OR9Q1: variants seen among roughly 807,000 people sequenced by gnomAD.
OR9Q1 encodes olfactory receptor family 9 subfamily Q member 1.
For synonymous variants in OR9Q1, 153 were observed against 148.6 expected, an observed-to-expected ratio of 1.03 and a Z score of -0.22; for missense variants, 374 against 378.8, an observed-to-expected ratio of 0.99 and a Z score of 0.11.
At chr11:58,099,918 C>G (rs1015504918) in intron 2 of OR9Q1, among the ~76,000 whole-genome samples, 1 of 152,150 alleles carries the variant, frequency 6.6e-6, no homozygotes, top group Admixed American at 6.6e-5. Flanking sequence ...TTACAACATA[C>G]ATCCTTTTGG....
chr11:58,093,526 C>A (rs1342658891), intron 2 of OR9Q1, among the ~76,000 whole-genome samples: 1 of 151,802 alleles, frequency 6.6e-6, no homozygotes, highest in Admixed American at 6.6e-5. Flanking sequence ...TTTGGGAGAC[C>A]GAGGCAGGCA....
chr11:58,094,195 A>C (rs7118004), intron 2 of OR9Q1, among the ~76,000 whole-genome samples: 32,336 of 152,114 alleles, frequency 0.21, 4,097 homozygotes, highest in Middle Eastern at 0.38. Flanking sequence ...CAGTCACAGA[A>C]AGACAAATAC....
At chr11:58,100,105 C>A (rs1488427314) in intron 2 of OR9Q1, among the ~76,000 whole-genome samples, 2 of 152,134 alleles carry the variant, frequency 1.3e-5, no homozygotes, top group African/African-American at 4.8e-5. Flanking sequence ...AGTCTCTCAT[C>A]CTTAAGAATG....
intron 2 of OR9Q1, among the ~76,000 whole-genome samples, chr11:58,075,819 G>A (rs554477672): frequency 6.6e-6 from 1 of 152,316 alleles, no homozygotes; most frequent in African/African-American, 2.4e-5. Flanking sequence ...TGCATCCAAT[G>A]ATCATGGGCC....
At chr11:58,056,987 GTTTTTTT>G (rs34375940) in intron 2 of OR9Q1, among the ~76,000 whole-genome samples, 2 of 68,782 alleles carry the variant, frequency 2.9e-5, no homozygotes, top group Non-Finnish European at 2.7e-5. Flanking sequence ...TACAATTCAG[GTTTTTTT>G]TTTTTTTTTT....
chr11:58,119,428 A>T, intron 2 of OR9Q1: 1 of 1,607,462 alleles, frequency 6.2e-7, no homozygotes, highest in Non-Finnish European at 8.5e-7. Context: ...TACTCTGGTG[A>T]GATTATTCTT....
chr11:58,155,037 C>T (rs188350957), intron 2 of OR9Q1, among the ~76,000 whole-genome samples: 1 of 152,156 alleles, frequency 6.6e-6, no homozygotes, highest in Non-Finnish European at 1.5e-5. Flanking sequence ...GCCTACCTAC[C>T]TACCTGTCTA....
intron 2 of OR9Q1, among the ~76,000 whole-genome samples, chr11:58,122,283 C>T (rs550995198): frequency 6.6e-6 from 1 of 152,174 alleles, no homozygotes; most frequent in African/African-American, 2.4e-5. Context: ...CAGGGCTATT[C>T]CATCCACCTT....
chr11:58,122,960 T>G (rs1179348459), intron 2 of OR9Q1, among the ~76,000 whole-genome samples: 1 of 139,592 alleles, frequency 7.2e-6, no homozygotes, highest in South Asian at 2.2e-4. Context: ...GTGGTAAATT[T>G]TGTTTTTTTT....
At chr11:58,151,656 A>T (rs1854352873) in intron 2 of OR9Q1, among the ~76,000 whole-genome samples, 1 of 152,204 alleles carries the variant, frequency 6.6e-6, no homozygotes, top group Non-Finnish European at 1.5e-5. Flanking sequence ...ACATAGGTCT[A>T]GTAGGTATTA....
intron 2 of OR9Q1, among the ~76,000 whole-genome samples, chr11:58,130,737 C>T (rs1191472455): frequency 6.6e-6 from 1 of 151,590 alleles, no homozygotes; most frequent in East Asian, 1.9e-4. Context: ...AGCTTGAACC[C>T]AGGAGGTTGC....
intron 2 of OR9Q1, among the ~76,000 whole-genome samples, chr11:58,161,065 C>T (rs1460907606): frequency 3.6e-5 from 4 of 110,738 alleles, no homozygotes; most frequent in Admixed American, 2.2e-4. Flanking sequence ...GGACACAGGG[C>T]GGGGAACATC....
At chr11:58,107,031 G>A (rs1853847112) in intron 2 of OR9Q1, among the ~76,000 whole-genome samples, 1 of 152,102 alleles carries the variant, frequency 6.6e-6, no homozygotes, top group African/African-American at 2.4e-5. Flanking sequence ...GATGGGAATA[G>A]CATTAAATTT....
At chr11:58,103,185 A>G (rs1045022777) in intron 2 of OR9Q1, among the ~76,000 whole-genome samples, 1 of 152,164 alleles carries the variant, frequency 6.6e-6, no homozygotes, top group African/African-American at 2.4e-5. Flanking sequence ...GGAAGAAAAC[A>G]CGTCCTGCTT....
rs191498263 is a variant in OR9Q1, at chr11:58,099,985, G to A, written c.-15+44038G>A. On this transcript the variant is annotated intron_variant, in intron 2 of 2. Transcript: ENST00000335397. The stretch of plus-strand genomic sequence containing the variant: ...TAAAATGACACACACTTATTGACTC[G>A]TAATATTTTGTAAATCACATTAGAT... Among the ~76,000 whole-genome samples, 358 of 152,178 alleles carry A rather than the reference G, an allele frequency of 2.4e-3. 5 individuals carry two copies. The highest frequency in any genetic ancestry group is 8.0e-3 in the African/African-American group (331 of 41,520).
intron 2 of OR9Q1, among the ~76,000 whole-genome samples, chr11:58,132,413 C>T (rs1235410891): frequency 6.6e-6 from 1 of 152,140 alleles, no homozygotes; most frequent in Non-Finnish European, 1.5e-5. Flanking sequence ...CCTTTCTGAG[C>T]CTCGGTTTCC....
At chr11:58,134,722 G>T (rs1288065133) in intron 2 of OR9Q1, among the ~76,000 whole-genome samples, 2 of 152,104 alleles carry the variant, frequency 1.3e-5, no homozygotes, top group Admixed American at 6.5e-5. Flanking sequence ...CCTGTCTTCA[G>T]GCAGGGCATC....
chr11:58,174,851 A>G (rs1854589100), intron 2 of OR9Q1, among the ~76,000 whole-genome samples: 1 of 151,600 alleles, frequency 6.6e-6, no homozygotes, highest in Non-Finnish European at 1.5e-5. Flanking sequence ...CATGCTTGTA[A>G]TCTCAGAAAT....
chr11:58,034,681 A>G (rs1450571533), intron 1 of OR9Q1, among the ~76,000 whole-genome samples: 4 of 151,420 alleles, frequency 2.6e-5, no homozygotes, highest in Non-Finnish European at 4.4e-5. Flanking sequence ...AGTGGGAAAG[A>G]AGGGTGAAGA....
Sources: gnomAD v4.1 joint callset for allele counts (sites outside exome capture counted in the v4.1 genomes callset) on GRCh38, gnomAD v4.1.1 for gene constraint, MANE v1.5 for transcripts, NCBI Gene and HGNC (gene_info 2026-07-23, HGNC 2026-07-21) for gene names.